The following GIPR variants were observed in gnomAD, a reference collection of about 807,000 sequenced individuals.
GIPR encodes the protein GIP-R.
In GIPR, 74 loss-of-function variants were observed where a neutral mutation model predicts 62.2. The ratio of observed to expected loss-of-function variants is 1.19; its 90% CI spans 0.99 to 1.44. The LOEUF (loss-of-function observed/expected upper bound fraction) is 1.44, where lower values mean the gene tolerates loss of function less well. Among genes scored for constraint, GIPR ranks in the 40% most tolerant of loss-of-function variants. The pLI, the probability that GIPR is intolerant of heterozygous loss-of-function variation, is 0.00. For missense variants in GIPR, 664 were observed against 611.8 expected (o/e 1.09, Z -0.90); for synonymous variants, 256 against 262.2 (o/e 0.98, Z 0.23).
At position 45,674,768 on chromosome 19, in the gene GIPR, G is replaced by C. The variant is rs200233374; in HGVS notation, c.575G>C (p.Arg192Pro). ...GCTGCGGCCATTCTCAGCCGAGACC[G>C]TCTGCTACCTCGACCTGGCCCCTAC... is the stretch of plus-strand genomic sequence containing the variant. ...LRAAAILSRD[R>P]LLPRPGPYLG... is the part of the protein sequence containing the mutation. The change falls in exon 7 of 14, where the codon CGT becomes CCT. Residue 192 changes from arginine (R) to proline (P), a missense_variant. Physicochemically the swap from Arg to Pro is moderately radical, Grantham distance 103 (BLOSUM62 -2). Coordinates refer to ENST00000590918, the MANE Select transcript of GIPR (RefSeq NM_000164.4). 2 of 1,613,888 alleles carry C rather than the reference G, an allele frequency of 1.2e-6. No homozygotes were observed. The highest frequency in any genetic ancestry group is 2.2e-5 in the East Asian group (1 of 44,864).
At chr19:45,670,855 G>C in intron 3 of GIPR, 121 bp downstream of exon 3, 1 of 661,134 alleles carries the variant, frequency 1.5e-6, no homozygotes, top group Non-Finnish European at 2.6e-6. Flanking sequence ...GGAGAGGCCC[G>C]GGGACTGACC....
At chr19:45,673,751 C>A (rs1307957121) in intron 5 of GIPR, among the ~76,000 whole-genome samples, 1 of 152,084 alleles carries the variant, frequency 6.6e-6, no homozygotes, top group East Asian at 1.9e-4. Context: ...GTAGTTCCAG[C>A]TACTCTGGAG....
intron 12 of GIPR, among the ~76,000 whole-genome samples, chr19:45,681,286 G>A (rs1370953712): frequency 5.9e-5 from 9 of 152,062 alleles, no homozygotes; most frequent in Non-Finnish European, 1.2e-4. Flanking sequence ...CCAGAGGTCA[G>A]GAGTTCGAGA....
chr19:45,668,781 CT>C (rs753289253), intron 1 of GIPR, among the ~76,000 whole-genome samples: 3 of 152,240 alleles, frequency 2.0e-5, no homozygotes, highest in Admixed American at 6.5e-5. Context: ...TTCCAGGCAT[CT>C]GCACATCTAA....
chr19:45,669,669 G>A (rs1028887363), intron 2 of GIPR, 77 bp downstream of exon 2: 2 of 1,521,678 alleles, frequency 1.3e-6, no homozygotes, highest in Non-Finnish European at 1.8e-6. Context: ...CCGTCGTCAG[G>A]GCGCTGTCGC....
chr19:45,680,827 T>C (rs1237925939), intron 12 of GIPR, among the ~76,000 whole-genome samples: 3 of 124,374 alleles, frequency 2.4e-5, no homozygotes, highest in African/African-American at 9.6e-5. Context: ...CAAGACTCTG[T>C]CTCCCTGTCT....
chr19:45,672,829 T>A lies in GIPR; in HGVS notation c.281-22T>A, dbSNP rs1439147059. The A allele has an allele frequency of 2.1e-6, 3 of 1,455,344 alleles. No homozygotes were observed. In the South Asian group the frequency reaches 3.4e-5, roughly 17 times the overall value. The allele number at this position is 1,455,344 out of a possible 1,614,324, so 90.2% of individuals were successfully genotyped here. ...TATCTCTTTCTCTGTGTGCCTTAAT[T>A]CCCTCTCTTCTTTCCCCACAGTGGC... On this transcript the variant is annotated intron_variant, in intron 4 of 13. Transcript: ENST00000590918.
intron 6 of GIPR, 94 bp downstream of exon 6, chr19:45,674,271 C>CT: frequency 1.2e-6 from 1 of 850,186 alleles, no homozygotes. Context: ...CCAGGTCCAG[C>CT]TATCCACTGG....
At chr19:45,675,574 CAA>C (rs35162445) in intron 7 of GIPR, among the ~76,000 whole-genome samples, 3 of 48,640 alleles carry the variant, frequency 6.2e-5, no homozygotes, top group South Asian at 1.2e-3. Flanking sequence ...GACTCCATCG[CAA>C]AAAAAAAAAA....
chr19:45,669,341 C>A (rs1241058470), intron 1 of GIPR, 136 bp from the exon 2 acceptor site: 8 of 789,820 alleles, frequency 1.0e-5, no homozygotes, highest in South Asian at 1.6e-5. Context: ...GTTGCGGGAG[C>A]GGGTGCGCTG....
At position 45,673,952 on chromosome 19, in the gene GIPR, C is replaced by T; in HGVS notation, c.385-122C>T. ...TCAGCCCTTCTCAAATAAGGGTAAGCAGTTCCCCAAGATAAAATAGGGTAT... is the reference window on the plus strand; with the variant it reads ...TCAGCCCTTCTCAAATAAGGGTAAGTAGTTCCCCAAGATAAAATAGGGTAT... On this transcript the variant is annotated intron_variant, in intron 5 of 13. Transcript: ENST00000590918. The T allele has an allele frequency of 3.9e-6, 3 of 770,624 alleles. No individual in the cohort carries two copies. The South Asian group carries it at 4.1e-5, about 10-fold the overall frequency. The allele number at this position is 770,624 out of a possible 1,614,324, so 47.7% of individuals were successfully genotyped here. A position where few individuals can be genotyped will look rare whatever the true frequency, so the allele number is the denominator to read the frequency against.
intron 1 of GIPR, among the ~76,000 whole-genome samples, chr19:45,668,999 G>A (rs899013352): frequency 4.6e-5 from 7 of 152,188 alleles, no homozygotes; most frequent in African/African-American, 2.4e-5. Flanking sequence ...TCAGATGGGC[G>A]TTTCAAGTAC....
At position 45,671,388 on chromosome 19, in the gene GIPR, C is replaced by T. The variant is rs1975533970; in HGVS notation, c.276C>T (p.His92=). The T allele has an allele frequency of 1.9e-6, 3 of 1,597,174 alleles. No individual in the cohort carries two copies. Among genetic ancestry groups the T allele is most frequent in the Non-Finnish European group, 2.6e-6 (3 of 1,167,800 alleles). ...GCCCCTGGTACCTGCCCTGGCACCA[C>T]CATGGTGAGGTGCTCCCTGGGCCCG... ...ASCPWYLPWH[H]HVAAGFVLRQ... Residue 92 remains histidine, a synonymous_variant, in exon 4 of 14, where the codon CAC becomes CAT. Coordinates refer to ENST00000590918, the MANE Select transcript of GIPR (RefSeq NM_000164.4).
At chr19:45,677,532 A>T (rs1600308738) in intron 9 of GIPR, 149 bp downstream of exon 9, 9 of 628,572 alleles carry the variant, frequency 1.4e-5, no homozygotes, top group Non-Finnish European at 2.2e-5. Flanking sequence ...GAGCTAGGAA[A>T]GGTTGTGTTC....
rs200089159 is a variant in GIPR, at chr19:45,678,125, G to T, written c.1051G>T (p.Gly351Cys). The T allele has an allele frequency of 3.7e-6, 6 of 1,612,602 alleles. No individual in the cohort carries two copies. The East Asian group carries it at 1.1e-4, about 30-fold the overall frequency. ...CACGCTGACGCTGGTGCCCCTGCTG[G>T]GTGTCCACGAGGTGGTGTTTGCTCC... ...RSTLTLVPLL[G>C]VHEVVFAPVT... Residue 351 changes from glycine (G) to cysteine (C), a missense_variant, in exon 12 of 14, where the codon GGT (glycine) becomes TGT (cysteine). Coordinates refer to ENST00000590918, the MANE Select transcript of GIPR (RefSeq NM_000164.4).
rs1323533731 is a variant in GIPR at position 45,674,842 on chromosome 19, C to A, written c.633+16C>A. 1 of 1,612,974 alleles carries A rather than the reference C, an allele frequency of 6.2e-7. No homozygotes were observed. The highest frequency in any genetic ancestry group is 8.5e-7 in the Non-Finnish European group (1 of 1,178,994). Reference sequence around the variant, plus strand: ...GTGGAACCAGGTGGGCATCCTCCTTCCGTTCCTCCAAATGGGAATCTTGCT... The same window carrying A: ...GTGGAACCAGGTGGGCATCCTCCTTACGTTCCTCCAAATGGGAATCTTGCT... On this transcript the variant is annotated intron_variant, in intron 7 of 13. Coordinates refer to ENST00000590918, the MANE Select transcript of GIPR (RefSeq NM_000164.4).
chr19:45,669,955 G>T (rs192689941), intron 2 of GIPR, among the ~76,000 whole-genome samples: 3,070 of 150,930 alleles, frequency 0.02, 119 homozygotes, highest in African/African-American at 0.071. Flanking sequence ...TCTCGGGGTG[G>T]GGGGGGGAGG....
intron 12 of GIPR, 46 bp from the exon 13 acceptor site, chr19:45,681,558 G>A: frequency 6.4e-7 from 1 of 1,572,462 alleles, no homozygotes; most frequent in Non-Finnish European, 8.7e-7. Context: ...GGCGGTTACA[G>A]TCCTGCCCCC....
chr19:45,677,468 G>C, intron 9 of GIPR, 85 bp downstream of exon 9: 2 of 1,018,472 alleles, frequency 2.0e-6, no homozygotes, highest in Non-Finnish European at 3.0e-6. Context: ...ATGTGGGCAG[G>C]GTCGGAAGGC....
Sources: allele counts gnomAD v4.1 joint callset (sites outside exome capture counted in the v4.1 genomes callset), GRCh38; gene constraint gnomAD v4.1.1; transcripts MANE v1.5; gene names NCBI Gene and HGNC (gene_info 2026-07-23, HGNC 2026-07-21).